Variants in ACADM observed in about 807,000 individuals in gnomAD.
ACADM encodes acyl-CoA dehydrogenase medium chain.
A neutral mutation model predicts 58.9 loss-of-function variants in ACADM; 49 were observed. The ratio of observed to expected loss-of-function variants is 0.83; its 90% CI spans 0.66 to 1.06. ACADM has a LOEUF of 1.06. Ranked by LOEUF, ACADM falls within the 50% of genes least tolerant of loss-of-function variation. The pLI is 0.00. For missense variants in ACADM, 496 were observed against 507.0 expected (o/e 0.98, Z 0.21); for synonymous variants, 160 against 157.7 (o/e 1.01, Z -0.11).
At chr1:75,744,703 G>C (rs534766545) in intron 7 of ACADM, 2 of 779,008 alleles carry the variant, frequency 2.6e-6, no homozygotes, top group African/African-American at 3.4e-5. Context: ...TCTCCCTAGA[G>C]GGCAGTTCCC....
intron 1 of ACADM, among the ~76,000 whole-genome samples, chr1:75,726,089 G>A (rs1647050983): frequency 6.6e-6 from 1 of 152,198 alleles, no homozygotes; most frequent in Admixed American, 6.5e-5. Flanking sequence ...ACAGTCACAT[G>A]TGAAGTGACT....
intron 3 of ACADM, 50 bp downstream of exon 3, chr1:75,732,791 G>A (rs778722578): frequency 1.9e-6 from 3 of 1,604,274 alleles, no homozygotes; most frequent in Admixed American, 1.7e-5. Flanking sequence ...TTTTTTACAA[G>A]ATTATGTAAT....
At chr1:75,744,324 A>T in intron 7 of ACADM, 1 of 1,612,856 alleles carries the variant, frequency 6.2e-7, no homozygotes, top group Non-Finnish European at 8.5e-7. Flanking sequence ...GCTTGGCCTT[A>T]GCAGGAGCAG....
chr1:75,741,217 C>T (rs1170688210), intron 7 of ACADM, among the ~76,000 whole-genome samples: 2 of 151,986 alleles, frequency 1.3e-5, no homozygotes, highest in Non-Finnish European at 2.9e-5. Flanking sequence ...TATTTGTGTG[C>T]CATATACTAC....
chr1:75,727,509 C>G (rs1034450578), intron 1 of ACADM, among the ~76,000 whole-genome samples: 1 of 152,098 alleles, frequency 6.6e-6, no homozygotes, highest in African/African-American at 2.4e-5. Context: ...AGTTTGGCAG[C>G]TTTAATAAAT....
chr1:75,740,248 A>G, intron 7 of ACADM, 138 bp downstream of exon 7: 1 of 826,276 alleles, frequency 1.2e-6, no homozygotes, highest in South Asian at 1.6e-5. Context: ...GATTATAAAC[A>G]GTTCAGTGAT....
chr1:75,741,901 A>G (rs1647586568), intron 7 of ACADM, among the ~76,000 whole-genome samples: 2 of 152,228 alleles, frequency 1.3e-5, no homozygotes, highest in Admixed American at 6.5e-5. Flanking sequence ...TTTCTGAGAA[A>G]TTCTTCTGTA....
At chr1:75,755,833 G>A (rs1352192526) in intron 10 of ACADM, among the ~76,000 whole-genome samples, 1 of 152,172 alleles carries the variant, frequency 6.6e-6, no homozygotes. Flanking sequence ...GAGGATACTG[G>A]CAAACTGAAT....
At chr1:75,726,303 A>T (rs1647055043) in intron 1 of ACADM, among the ~76,000 whole-genome samples, 1 of 150,292 alleles carries the variant, frequency 6.7e-6, no homozygotes, top group East Asian at 2.0e-4. Flanking sequence ...CAGGAGGCTG[A>T]GTCTGCAGTG....
chr1:75,744,528 T>A (rs1647777363), intron 7 of ACADM: 2 of 1,507,182 alleles, frequency 1.3e-6, no homozygotes, highest in Non-Finnish European at 1.8e-6. Flanking sequence ...CATCTCCCTC[T>A]GTGACAGGTT....
intron 10 of ACADM, 58 bp from the exon 11 acceptor site, chr1:75,761,063 GA>G (rs1557466541): frequency 1.3e-6 from 2 of 1,527,748 alleles, no homozygotes; most frequent in Non-Finnish European, 1.8e-6. Flanking sequence ...AAAGCCCCAG[GA>G]AAAAACTTTT....
At chr1:75,731,910 G>A (rs1355571918) in intron 2 of ACADM, among the ~76,000 whole-genome samples, 1 of 152,118 alleles carries the variant, frequency 6.6e-6, no homozygotes, top group African/African-American at 2.4e-5. Flanking sequence ...CCAGCACTTT[G>A]GGAGGCCAAG....
In ACADM at chr1:75,745,787, C is replaced by T. The variant is rs747837034; in HGVS notation, c.600-19C>T. 3.4e-5 allele frequency: 52 copies of T among 1,538,698 alleles called. 1 individual carries two copies. The highest frequency in any genetic ancestry group is 2.2e-4 in the East Asian group (10 of 44,474). ...ATTTGCCGATATTATCACCATTATC[C>T]GGTATGTGTATCTCTTAGGTATTTT... On this transcript the variant is annotated intron_variant, in intron 7 of 11. Coordinates refer to ENST00000370841, the MANE Select transcript of ACADM (RefSeq NM_000016.6).
intron 10 of ACADM, among the ~76,000 whole-genome samples, chr1:75,757,039 C>T (rs1170151772): frequency 8.5e-5 from 13 of 152,120 alleles, no homozygotes; most frequent in Admixed American, 7.2e-4. Context: ...CCCTTCCTTA[C>T]CTTATATAAA....
intron 10 of ACADM, among the ~76,000 whole-genome samples, chr1:75,755,642 C>G (rs1403118099): frequency 6.6e-6 from 1 of 152,148 alleles, no homozygotes; most frequent in Non-Finnish European, 1.5e-5. Flanking sequence ...GGTAGATAAA[C>G]CCACAAAGAT....
intron 1 of ACADM, among the ~76,000 whole-genome samples, chr1:75,726,658 A>G (rs1395826826): frequency 1.3e-5 from 2 of 152,142 alleles, no homozygotes; most frequent in Non-Finnish European, 2.9e-5. Flanking sequence ...TCGTTTCTTC[A>G]CATGCGAAAG....
At chr1:75,759,373 C>T (rs528210589) in intron 10 of ACADM, among the ~76,000 whole-genome samples, 5 of 152,312 alleles carry the variant, frequency 3.3e-5, no homozygotes, top group Non-Finnish European at 7.3e-5. Context: ...TTCCAGTGAC[C>T]AGCACCACGC....
At chr1:75,737,309 T>TATATATATATATATAC (rs1647318985) in intron 6 of ACADM, among the ~76,000 whole-genome samples, 3 of 105,086 alleles carry the variant, frequency 2.9e-5, no homozygotes, top group African/African-American at 1.0e-4. Flanking sequence ...TATATATATA[T>TATATATATATATATAC]ATATATATAT....
chr1:75,724,952 C>T (rs1416568784), intron 1 of ACADM, 135 bp downstream of exon 1: 3 of 796,262 alleles, frequency 3.8e-6, no homozygotes, highest in Non-Finnish European at 5.3e-6. Context: ...GCCTAGGGGC[C>T]CCCAACCTGC....
Sources: allele counts gnomAD v4.1 joint callset (sites outside exome capture counted in the v4.1 genomes callset), GRCh38; gene constraint gnomAD v4.1.1; transcripts MANE v1.5; gene names NCBI Gene and HGNC (gene_info 2026-07-23, HGNC 2026-07-21).